Variants in MTX2 observed in about 807,000 individuals in gnomAD.
MTX2 encodes metaxin-2.
In MTX2, 35 loss-of-function variants were observed where a neutral mutation model predicts 42.3. The observed-to-expected ratio is 0.83, with a 90% CI of 0.63 to 1.10. MTX2 has a LOEUF of 1.10. MTX2 is among the 50% of genes least tolerant of loss of function. The pLI is 0.00. For missense variants in MTX2, 307 were observed against 304.1 expected, an observed-to-expected ratio of 1.01 and a Z score of -0.07; for synonymous variants, 119 against 100.9, an observed-to-expected ratio of 1.18 and a Z score of -1.08.
rs147754006 is a variant in MTX2 at position 176,309,401 on chromosome 2, A to G, written c.135+11506A>G. 9.2e-3 allele frequency among the ~76,000 whole-genome samples: 1,405 copies of G among 152,288 alleles called. 9 individuals are homozygous for G. The highest frequency in any genetic ancestry group is 0.015 in the Non-Finnish European group (1,029 of 68,026). On this transcript the variant is annotated intron_variant, in intron 3 of 9. Transcript: ENST00000249442. ...GGGGTGGAGAGTTCTGTAGGTGTCTATTAGGTCTGCTTGTTGCAGAGCTGA... is the reference window on the plus strand; with the variant it reads ...GGGGTGGAGAGTTCTGTAGGTGTCTGTTAGGTCTGCTTGTTGCAGAGCTGA...
intron 9 of MTX2, among the ~76,000 whole-genome samples, chr2:176,333,580 C>T (rs1684910339): frequency 6.6e-6 from 1 of 151,402 alleles, no homozygotes; most frequent in African/African-American, 2.4e-5. Flanking sequence ...TAAGGAGTTG[C>T]TCAAATTTGG....
chr2:176,284,951 A>G (rs1017705848), intron 1 of MTX2, among the ~76,000 whole-genome samples: 11 of 152,250 alleles, frequency 7.2e-5, no homozygotes, highest in African/African-American at 2.4e-4. Context: ...TCCTGAGTTT[A>G]GGAAATACAT....
intron 3 of MTX2, among the ~76,000 whole-genome samples, chr2:176,315,961 C>A (rs1463694088): frequency 6.6e-6 from 1 of 152,160 alleles, no homozygotes; most frequent in Non-Finnish European, 1.5e-5. Context: ...GCAGGAATTA[C>A]CATGCATATT....
intron 4 of MTX2, among the ~76,000 whole-genome samples, chr2:176,326,384 TA>T (rs1374843787): frequency 6.6e-6 from 1 of 151,722 alleles, no homozygotes; most frequent in Non-Finnish European, 1.5e-5. Context: ...TTAAAAGATG[TA>T]AAAAGGTTTT....
chr2:176,330,143 G>T (rs1443031310), intron 8 of MTX2, among the ~76,000 whole-genome samples: 1 of 150,848 alleles, frequency 6.6e-6, no homozygotes, highest in Non-Finnish European at 1.5e-5. Flanking sequence ...TAACTCAAAT[G>T]CTTTTACTCA....
intron 4 of MTX2, among the ~76,000 whole-genome samples, chr2:176,323,805 TAATG>T (rs1035458059): frequency 6.6e-6 from 1 of 151,774 alleles, no homozygotes; most frequent in Non-Finnish European, 1.5e-5. Context: ...ATTTTAGTAA[TAATG>T]AATCCATTTA....
chr2:176,299,272 A>T (rs780700532), intron 3 of MTX2, among the ~76,000 whole-genome samples: 4 of 152,080 alleles, frequency 2.6e-5, no homozygotes, highest in African/African-American at 9.7e-5. Flanking sequence ...TCCAGCCCCA[A>T]ATGTAAATAG....
intron 1 of MTX2, among the ~76,000 whole-genome samples, chr2:176,292,098 C>A (rs936813938): frequency 5.9e-5 from 9 of 152,170 alleles, no homozygotes; most frequent in African/African-American, 2.2e-4. Context: ...CAGCATTGGA[C>A]AACTTTCTTC....
Position 176,269,595 on chromosome 2 carries a change from G to T in MTX2, c.-35G>T. The T allele has an allele frequency of 6.4e-7, 1 of 1,566,840 alleles. No individual in the cohort carries two copies. Among genetic ancestry groups the T allele is most frequent in the African/African-American group, 1.3e-5 (1 of 74,092 alleles). On this transcript the variant is annotated 5_prime_UTR_variant, in exon 1 of 10. Transcript: ENST00000249442. ...GGTGGAGGACGCTGAGGCCCGTGGG[G>T]GGCAGGCACCCGGGCGCCGGGCCTC...
chr2:176,304,889 C>T (rs1178939312), intron 3 of MTX2, among the ~76,000 whole-genome samples: 2 of 151,948 alleles, frequency 1.3e-5, no homozygotes, highest in Non-Finnish European at 2.9e-5. Context: ...TGGATTGCTA[C>T]CTATCTAGAA....
At chr2:176,334,720 G>C (rs1475438047) in intron 9 of MTX2, among the ~76,000 whole-genome samples, 1 of 151,920 alleles carries the variant, frequency 6.6e-6, no homozygotes, top group Non-Finnish European at 1.5e-5. Context: ...ACACATCTTA[G>C]GATGCTTTCT....
At chr2:176,336,890 C>T (rs1684999354) in intron 9 of MTX2, among the ~76,000 whole-genome samples, 1 of 152,068 alleles carries the variant, frequency 6.6e-6, no homozygotes, top group South Asian at 2.1e-4. Context: ...ATCCACAGGA[C>T]ATTTGTTCCG....
chr2:176,286,828 C>T (rs568386782), intron 1 of MTX2, among the ~76,000 whole-genome samples: 88 of 152,220 alleles, frequency 5.8e-4, no homozygotes, highest in Middle Eastern at 3.4e-3. Context: ...GGATTACAGG[C>T]GTGAGCCACC....
At chr2:176,330,505 G>C (rs1558945488) in intron 8 of MTX2, 79 bp from the exon 9 acceptor site, 3 of 988,734 alleles carry the variant, frequency 3.0e-6, no homozygotes, top group Non-Finnish European at 1.5e-6. Flanking sequence ...TATAAACTGT[G>C]ATACAAGTTA....
At chr2:176,278,711 T>C (rs1030405559) in intron 1 of MTX2, among the ~76,000 whole-genome samples, 1 of 152,184 alleles carries the variant, frequency 6.6e-6, no homozygotes, top group African/African-American at 2.4e-5. Context: ...AGTTATCAGA[T>C]GGACTGAAGA....
chr2:176,322,119 C>A lies in MTX2; in HGVS notation c.136-1273C>A, dbSNP rs545564834. The stretch of plus-strand genomic sequence containing the variant: ...GCAATTAGTGGGGGAATCAGACTCA[C>A]GTGGGATTTATTTTTGGAGGCAGGC... On this transcript the variant is annotated intron_variant, in intron 3 of 9. Transcript: ENST00000249442. 5.1e-4 allele frequency among the ~76,000 whole-genome samples: 77 copies of A among 152,174 alleles called. No homozygotes were observed. In the Middle Eastern group the frequency reaches 0.01, roughly 20 times the overall value.
intron 1 of MTX2, among the ~76,000 whole-genome samples, chr2:176,271,087 C>T (rs1434060538): frequency 2.0e-5 from 3 of 152,052 alleles, no homozygotes; most frequent in Non-Finnish European, 4.4e-5. Context: ...ACTTTGGATA[C>T]TGCTTTAAGT....
chr2:176,331,602 A>G (rs768756628), intron 9 of MTX2, among the ~76,000 whole-genome samples: 2 of 151,190 alleles, frequency 1.3e-5, no homozygotes, highest in Non-Finnish European at 3.0e-5. Context: ...AGTAATATAT[A>G]CATATATAAT....
chr2:176,331,985 C>T (rs1356294831), intron 9 of MTX2, among the ~76,000 whole-genome samples: 1 of 151,192 alleles, frequency 6.6e-6, no homozygotes. Context: ...CAGAGTTTGG[C>T]ATGTGACTCA....
Sources: allele counts gnomAD v4.1 joint callset (sites outside exome capture counted in the v4.1 genomes callset), GRCh38; gene constraint gnomAD v4.1.1; transcripts MANE v1.5; gene names NCBI Gene and HGNC (gene_info 2026-07-23, HGNC 2026-07-21).